The following RBFOX1 variants were observed in gnomAD, a reference collection of about 807,000 sequenced individuals.
RBFOX1 encodes the protein RNA binding protein fox-1 homolog 1.
RBFOX1 carries 8 observed loss-of-function variants against 57.7 expected under a neutral mutation model. The observed-to-expected ratio is 0.14, with a 90% CI of 0.08 to 0.25. RBFOX1 has a LOEUF of 0.25. Ranked by LOEUF, RBFOX1 falls within the 10% of genes least tolerant of loss-of-function variation. The pLI is 1.00. For missense variants in RBFOX1, 611 were observed against 548.5 expected (o/e 1.11, Z -1.14); for synonymous variants, 326 against 222.4 (o/e 1.47, Z -4.15).
intron 1 of RBFOX1, among the ~76,000 whole-genome samples, chr16:6,032,734 T>C (rs187310983): frequency 2.0e-4 from 30 of 152,292 alleles, no homozygotes; most frequent in Non-Finnish European, 3.4e-4. Context: ...GCTACAGTTA[T>C]AAATGAAAAG....
chr16:5,642,829 A>G lies in RBFOX1; in HGVS notation c.318+43868A>G, dbSNP rs1023683408. ...CCCAGGACTTGGTTACAGACATAATACTAGAGGCAAGGTGCTGCCTGATGA... is the reference window on the plus strand; with the variant it reads ...CCCAGGACTTGGTTACAGACATAATGCTAGAGGCAAGGTGCTGCCTGATGA... On this transcript the variant is annotated intron_variant, in intron 3 of 19. Coordinates refer to the RBFOX1 transcript ENST00000641259. Among the ~76,000 whole-genome samples, 3 of 152,090 alleles carry G rather than the reference A, an allele frequency of 2.0e-5. No homozygotes were observed. The East Asian group carries it at 5.8e-4, about 29-fold the overall frequency.
intron 3 of RBFOX1, among the ~76,000 whole-genome samples, chr16:7,040,130 C>T (rs971006079): frequency 1.3e-5 from 2 of 152,042 alleles, no homozygotes; most frequent in Admixed American, 6.6e-5. Context: ...AAGCAATTCT[C>T]CTGCCTCAGC....
chr16:7,085,670 G>A (rs1033223600), intron 4 of RBFOX1, among the ~76,000 whole-genome samples: 1 of 152,172 alleles, frequency 6.6e-6, no homozygotes, highest in Non-Finnish European at 1.5e-5. Context: ...TTTTGTCCCT[G>A]TGCAAATTGA....
intron 3 of RBFOX1, among the ~76,000 whole-genome samples, chr16:5,840,722 G>T (rs551076942): frequency 3.3e-5 from 5 of 152,330 alleles, no homozygotes; most frequent in Admixed American, 2.0e-4. Flanking sequence ...AGCAGAAGGA[G>T]CCTTCTCACA....
chr16:6,389,313 C>A (rs993294439), intron 2 of RBFOX1, among the ~76,000 whole-genome samples: 2 of 152,106 alleles, frequency 1.3e-5, no homozygotes, highest in Non-Finnish European at 2.9e-5. Flanking sequence ...ATGGTGCAGG[C>A]ATTGTCAAGA....
At chr16:7,249,545 G>T (rs1603446487) in intron 4 of RBFOX1, among the ~76,000 whole-genome samples, 1 of 150,532 alleles carries the variant, frequency 6.6e-6, no homozygotes, top group Non-Finnish European at 1.5e-5. Flanking sequence ...ATGTTTTGTA[G>T]TTTTTTAATA....
intron 1 of RBFOX1, among the ~76,000 whole-genome samples, chr16:6,310,347 C>G (rs1317041208): frequency 6.6e-6 from 1 of 152,202 alleles, no homozygotes; most frequent in Non-Finnish European, 1.5e-5. Context: ...TGATACTAGG[C>G]TATGCTGAAA....
At chr16:5,297,386 G>T (rs1015529459) in intron 1 of RBFOX1, among the ~76,000 whole-genome samples, 10 of 152,122 alleles carry the variant, frequency 6.6e-5, no homozygotes, top group Admixed American at 2.0e-4. Flanking sequence ...GCATTCTCTT[G>T]CATCCTCACC....
intron 3 of RBFOX1, among the ~76,000 whole-genome samples, chr16:5,711,867 C>T (rs1368420512): frequency 6.6e-6 from 1 of 152,158 alleles, no homozygotes; most frequent in East Asian, 1.9e-4. Flanking sequence ...ATAGTAACAG[C>T]CTCTATTTAT....
chr16:6,831,118 C>T (rs1448996714), intron 3 of RBFOX1, among the ~76,000 whole-genome samples: 1 of 152,170 alleles, frequency 6.6e-6, no homozygotes, highest in Non-Finnish European at 1.5e-5. Flanking sequence ...TCCATTATCA[C>T]TAAGGTTCAT....
At chr16:7,251,123 A>G (rs2094485341) in intron 4 of RBFOX1, among the ~76,000 whole-genome samples, 1 of 152,088 alleles carries the variant, frequency 6.6e-6, no homozygotes, top group South Asian at 2.1e-4. Context: ...CTCCTATCTA[A>G]CTGAAATTTT....
chr16:5,849,352 C>G (rs1379281014), intron 3 of RBFOX1, among the ~76,000 whole-genome samples: 4 of 151,994 alleles, frequency 2.6e-5, no homozygotes, highest in African/African-American at 7.3e-5. Flanking sequence ...CTTGAGGTTA[C>G]TGAAATCACC....
chr16:7,115,384 T>G (rs911354672), intron 4 of RBFOX1, among the ~76,000 whole-genome samples: 1 of 152,228 alleles, frequency 6.6e-6, no homozygotes, highest in Admixed American at 6.5e-5. Context: ...TATATTCTAA[T>G]GGAAAACAGA....
intron 3 of RBFOX1, among the ~76,000 whole-genome samples, chr16:6,687,240 C>G (rs60844465): frequency 1.3e-5 from 2 of 152,014 alleles, no homozygotes; most frequent in African/African-American, 4.8e-5. Flanking sequence ...AGCTATGACT[C>G]TGCAGAGGCA....
rs549740207 is a variant in RBFOX1, at chr16:5,361,740, C to A, written c.220-105476C>A. Among the ~76,000 whole-genome samples the A allele has an allele frequency of 1.6e-3, 238 of 152,298 alleles. 1 individual carries two copies. Among genetic ancestry groups the A allele is most frequent in the African/African-American group, 5.2e-3 (218 of 41,562 alleles). ...ACCTGCAAGGCTCCTCCACTTTGTG[C>A]CAAGTTGTATTCTTGCTCAGGCCAC... On this transcript the variant is annotated intron_variant, in intron 1 of 2. Transcript: ENST00000585867.
chr16:6,070,637 T>A (rs1216362993), intron 1 of RBFOX1, among the ~76,000 whole-genome samples: 2 of 151,630 alleles, frequency 1.3e-5, no homozygotes, highest in Non-Finnish European at 2.9e-5. Context: ...TTTTCCTTGT[T>A]AAACTGAGTA....
At chr16:6,780,382 TACA>T (rs2080686294) in intron 3 of RBFOX1, among the ~76,000 whole-genome samples, 3 of 95,486 alleles carry the variant, frequency 3.1e-5, no homozygotes, top group South Asian at 3.4e-4. Context: ...GATATATTTA[TACA>T]TATTATATAT....
At chr16:6,544,885 T>TTG (rs2096873930) in intron 2 of RBFOX1, among the ~76,000 whole-genome samples, 1 of 152,246 alleles carries the variant, frequency 6.6e-6, no homozygotes, top group Non-Finnish European at 1.5e-5. Flanking sequence ...CTTTGCCCAG[T>TTG]ACCATTGTTT....
intron 3 of RBFOX1, among the ~76,000 whole-genome samples, chr16:6,886,290 G>C (rs1010786415): frequency 6.6e-6 from 1 of 151,750 alleles, no homozygotes; most frequent in Admixed American, 6.6e-5. Context: ...TCGATCTCTT[G>C]ACCTCACGTG....
Sources: gnomAD v4.1 joint callset for allele counts (sites outside exome capture counted in the v4.1 genomes callset) on GRCh38, gnomAD v4.1.1 for gene constraint, MANE v1.5 for transcripts, NCBI Gene and HGNC (gene_info 2026-07-23, HGNC 2026-07-21) for gene names.